Variants in SLC9C1 observed in about 807,000 individuals in gnomAD.
The protein encoded by SLC9C1 is sodium/hydrogen exchanger 10.
In SLC9C1, 97 loss-of-function variants were observed where a neutral mutation model predicts 140.9. The ratio of observed to expected loss-of-function variants is 0.69; its 90% CI spans 0.58 to 0.82. SLC9C1 has a LOEUF of 0.82. Among genes scored for constraint, SLC9C1 ranks in the 40% least tolerant of loss-of-function variants. The pLI is 0.00. For missense variants in SLC9C1, 1,340 were observed against 1,389.3 expected (o/e 0.96, Z 0.56); for synonymous variants, 440 against 442.6 (o/e 0.99, Z 0.07).
chr3:112,210,151 A>G (rs1021840601), intron 15 of SLC9C1, among the ~76,000 whole-genome samples: 13 of 152,298 alleles, frequency 8.5e-5, no homozygotes, highest in East Asian at 1.9e-4. Flanking sequence ...CAGTCCTGCA[A>G]TTTTGCCCCT....
intron 23 of SLC9C1, among the ~76,000 whole-genome samples, chr3:112,171,812 C>T (rs888610356): frequency 6.6e-6 from 1 of 152,144 alleles, no homozygotes; most frequent in African/African-American, 2.4e-5. Flanking sequence ...GATCAAGGTT[C>T]ATTGCTTCTG....
chr3:112,143,320 A>G (rs566237995), intron 28 of SLC9C1, among the ~76,000 whole-genome samples: 122 of 152,272 alleles, frequency 8.0e-4, no homozygotes, highest in Non-Finnish European at 1.5e-3. Flanking sequence ...TCTCCAAACT[A>G]CTGTTCATAG....
chr3:112,181,209 A>G (rs1019328894), intron 21 of SLC9C1, among the ~76,000 whole-genome samples: 1 of 152,218 alleles, frequency 6.6e-6, no homozygotes, highest in East Asian at 1.9e-4. Context: ...GCAATTTTAG[A>G]TAGGGTATTT....
In SLC9C1 at chr3:112,278,772, G is replaced by A; in HGVS notation, c.275C>T (p.Ala92Val). The change falls in exon 4 of 29, where the codon GCA becomes GTA. Residue 92 changes from alanine (A) to valine (V), a missense_variant. Ala to Val is a moderately conservative substitution (Grantham distance 64, BLOSUM62 0). Transcript: ENST00000305815. ...IFTPVVFFTT[A>V]FDMDTYMLQK... ...AAGCATGTACGTATCCATGTCAAAT[G>A]CAGTAGTAAAGAAAACTACTGGTGT... The A allele has an allele frequency of 6.2e-7, 1 of 1,610,762 alleles. No individual in the cohort carries two copies. The highest frequency in any genetic ancestry group is 1.3e-5 in the African/African-American group (1 of 74,870).
At chr3:112,179,898 G>C (rs917051554) in intron 22 of SLC9C1, among the ~76,000 whole-genome samples, 197 bp from the exon 23 acceptor site, 36 of 152,154 alleles carry the variant, frequency 2.4e-4, no homozygotes, top group Admixed American at 2.4e-3. Context: ...TAAATACTCT[G>C]ATCTTTCTGA....
intron 13 of SLC9C1, among the ~76,000 whole-genome samples, chr3:112,227,763 C>A (rs1286763789): frequency 6.6e-6 from 1 of 152,086 alleles, no homozygotes; most frequent in Non-Finnish European, 1.5e-5. Context: ...AGTAGCATTT[C>A]TACAGACTAA....
Position 112,266,293 on chromosome 3 carries a change from G to T in SLC9C1, c.823C>A (p.Leu275Ile). The T allele has an allele frequency of 1.2e-6, 2 of 1,611,034 alleles. No individual in the cohort carries two copies. The highest frequency in any genetic ancestry group is 4.5e-5 in the East Asian group (2 of 44,612). Reference protein sequence around the residue: ...SGIFTLAIVGLLLNSTSFKAA... With the variant: ...SGIFTLAIVGILLNSTSFKAA... ...TTAAAACTTGTAGAATTTAAAAGAA[G>T]TCCCACAATGGCCAGAGTAAATATT... Residue 275 changes from leucine (L) to isoleucine (I), a missense_variant, in exon 8 of 29, where the codon CTT (leucine) becomes ATT (isoleucine). Coordinates refer to ENST00000305815, the MANE Select transcript of SLC9C1 (RefSeq NM_183061.3).
chr3:112,203,137 C>A (rs1338117301), intron 17 of SLC9C1, among the ~76,000 whole-genome samples: 1 of 151,906 alleles, frequency 6.6e-6, no homozygotes. Flanking sequence ...CTAGATTACT[C>A]GTGATTTTTC....
rs370392312 is a variant in SLC9C1 at position 112,263,629 on chromosome 3, C to T, written c.1023-531G>A. Among the ~76,000 whole-genome samples the T allele has an allele frequency of 3.6e-3, 550 of 151,724 alleles. 4 individuals carry two copies. Among genetic ancestry groups the T allele is most frequent in the South Asian group, 0.012 (58 of 4,808 alleles). On this transcript the variant is annotated intron_variant, in intron 9 of 28. Coordinates refer to ENST00000305815, the MANE Select transcript of SLC9C1 (RefSeq NM_183061.3). The stretch of plus-strand genomic sequence containing the variant: ...ACTAGATGCCTTGACTTCAGCAATT[C>T]AACTAGATGGAAGTAGAATGTTAAT...
intron 3 of SLC9C1, among the ~76,000 whole-genome samples, chr3:112,280,285 G>A (rs182681544): frequency 1.4e-4 from 22 of 152,288 alleles, no homozygotes; most frequent in African/African-American, 5.1e-4. Flanking sequence ...CTTCATTGAG[G>A]AAATAGATTA....
intron 27 of SLC9C1, among the ~76,000 whole-genome samples, chr3:112,154,531 GAT>G (rs573509074): frequency 3.9e-4 from 60 of 152,296 alleles, no homozygotes; most frequent in African/African-American, 1.4e-3. Flanking sequence ...GGTTAGCCGG[GAT>G]ATATTTTATT....
At position 112,199,434 on chromosome 3, in the gene SLC9C1, T is replaced by C. The variant is rs140639095; in HGVS notation, c.2410A>G (p.Thr804Ala). ...TTAATTTCTTCCTTTGTTTTCACAG[T>C]GACAGCAATTTCTGGGTGATCATAC... ...LEYDHPEIAV[T>A]VKTKEEINVM... Residue 804 changes from threonine (T) to alanine (A), a missense_variant, in exon 20 of 29, where the codon ACT becomes GCT. By Grantham distance (58) the Thr-to-Ala change is moderately conservative. Coordinates refer to ENST00000305815, the MANE Select transcript of SLC9C1 (RefSeq NM_183061.3). 1.5e-4 allele frequency: 237 copies of C among 1,596,106 alleles called. No homozygotes were observed. The highest frequency in any genetic ancestry group is 1.9e-4 in the Non-Finnish European group (220 of 1,172,530).
intron 20 of SLC9C1, among the ~76,000 whole-genome samples, chr3:112,194,716 C>T (rs1272760450): frequency 6.6e-6 from 1 of 152,006 alleles, no homozygotes; most frequent in Non-Finnish European, 1.5e-5. Flanking sequence ...ATACTGTTTC[C>T]CACAGAGGTT....
rs1576257556 is a variant in SLC9C1 at position 112,168,769 on chromosome 3, AG to A, written c.3237+107del. 3 of 1,057,222 alleles carry A rather than the reference AG, an allele frequency of 2.8e-6. 1 individual carries two copies. In the East Asian group the frequency reaches 7.5e-5, roughly 26 times the overall value. The allele number at this position is 1,057,222 out of a possible 1,614,324, so 65.5% of individuals were successfully genotyped here. Reference sequence around the variant, plus strand: ...TTATGGAGTGGTGGGAAAAGGGAGAAGATTGGAAGATGAAAAGCTTAAGATT... The same window carrying A: ...TTATGGAGTGGTGGGAAAAGGGAGAAATTGGAAGATGAAAAGCTTAAGATT... On this transcript the variant is annotated intron_variant, in intron 25 of 28. Transcript: ENST00000305815.
chr3:112,141,565 T>C (rs1026021199), intron 28 of SLC9C1, among the ~76,000 whole-genome samples: 4 of 152,134 alleles, frequency 2.6e-5, no homozygotes, highest in Non-Finnish European at 5.9e-5. Context: ...AGGAGGAGGA[T>C]TGTCCATTGT....
intron 11 of SLC9C1, among the ~76,000 whole-genome samples, chr3:112,242,534 G>C (rs2079164214): frequency 6.6e-6 from 1 of 152,160 alleles, no homozygotes. Context: ...AGCCTGTGAA[G>C]AGTAGTGGGG....
intron 26 of SLC9C1, among the ~76,000 whole-genome samples, chr3:112,156,696 T>C (rs1227830109): frequency 6.6e-6 from 1 of 152,102 alleles, no homozygotes; most frequent in Non-Finnish European, 1.5e-5. Context: ...TTTTAAATTT[T>C]TTGTCTTTTT....
At chr3:112,270,210 A>C in intron 6 of SLC9C1, 133 bp from the exon 7 acceptor site, 1 of 831,334 alleles carries the variant, frequency 1.2e-6, no homozygotes, top group Non-Finnish European at 1.7e-6. Flanking sequence ...ATGAGAGTGC[A>C]GATATCCCTG....
chr3:112,279,851 A>G (rs762956757), intron 3 of SLC9C1, among the ~76,000 whole-genome samples: 21 of 152,234 alleles, frequency 1.4e-4, no homozygotes, highest in Non-Finnish European at 2.9e-4. Context: ...TCTCTGGTCC[A>G]GGAGTCCCAT....
Sources: allele counts gnomAD v4.1 joint callset (sites outside exome capture counted in the v4.1 genomes callset), GRCh38; gene constraint gnomAD v4.1.1; transcripts MANE v1.5; gene names NCBI Gene and HGNC (gene_info 2026-07-23, HGNC 2026-07-21).